The following KIAA1328 variants were observed in gnomAD, a reference collection of about 807,000 sequenced individuals.
KIAA1328 encodes the protein KIAA1328, also known as protein hinderin.
KIAA1328 carries 52 observed loss-of-function variants against 68.1 expected under a neutral mutation model. The observed-to-expected ratio is 0.76, with a 90% CI of 0.61 to 0.96. The LOEUF is 0.96. Ranked by LOEUF, KIAA1328 falls within the 40% of genes least tolerant of loss-of-function variation. KIAA1328 has a pLI of 0.00. For missense variants in KIAA1328, 641 were observed against 677.6 expected (o/e 0.95, Z 0.60); for synonymous variants, 232 against 239.4 (o/e 0.97, Z 0.28).
rs1044212462 is a variant in KIAA1328, at chr18:37,010,358, A to T, written c.576+50923A>T. ...CTCGGGAGGCTGAGGCAGGAGAATC[A>T]CTTGAACCCAGGAGGTGGAGATTGC... On this transcript the variant is annotated intron_variant, in intron 6 of 9. Transcript: ENST00000280020. Among the ~76,000 whole-genome samples, 12 of 148,478 alleles carry T rather than the reference A, an allele frequency of 8.1e-5. No homozygotes were observed. In the Admixed American group the frequency reaches 8.1e-4, roughly 10 times the overall value.
chr18:36,931,254 C>G (rs904953429), intron 5 of KIAA1328, among the ~76,000 whole-genome samples: 1 of 152,084 alleles, frequency 6.6e-6, no homozygotes, highest in African/African-American at 2.4e-5. Context: ...TGGTTAGTGA[C>G]CTGTTAGGAA....
chr18:37,126,890 A>AT (rs1308938835), intron 7 of KIAA1328, among the ~76,000 whole-genome samples: 1 of 152,188 alleles, frequency 6.6e-6, no homozygotes, highest in South Asian at 2.1e-4. Flanking sequence ...TCCATTCATG[A>AT]TAAAAAAAAT....
At chr18:36,943,626 A>G (rs1447384478) in intron 5 of KIAA1328, among the ~76,000 whole-genome samples, 1 of 152,226 alleles carries the variant, frequency 6.6e-6, no homozygotes, top group African/African-American at 2.4e-5. Context: ...CACAGGTGGT[A>G]TAGATAGAAC....
intron 9 of KIAA1328, among the ~76,000 whole-genome samples, chr18:37,180,058 CCACACACACACACACACACACACACA>C (rs139301794): frequency 7.5e-6 from 1 of 134,062 alleles, no homozygotes; most frequent in African/African-American, 2.7e-5. Flanking sequence ...GATTCAAAAG[CCACACACACACACACACACACACACA>C]CACACACACA....
intron 6 of KIAA1328, among the ~76,000 whole-genome samples, chr18:37,060,718 A>G (rs1434423148): frequency 2.0e-5 from 3 of 152,242 alleles, no homozygotes; most frequent in Admixed American, 6.5e-5. Context: ...CCAGCCTAAT[A>G]TAAGACTATT....
intron 7 of KIAA1328, among the ~76,000 whole-genome samples, chr18:37,138,202 T>G (rs1010728271): frequency 1.3e-5 from 2 of 152,232 alleles, no homozygotes; most frequent in Non-Finnish European, 2.9e-5. Flanking sequence ...CGTTTAATCC[T>G]CACAACAACT....
In KIAA1328 at chr18:36,892,211, G is replaced by T. The variant is rs11875575; in HGVS notation, c.448+6539G>T. On this transcript the variant is annotated intron_variant, in intron 5 of 9. Transcript: ENST00000280020. ...GTGGAGTGGTATGTCAGGAGAGGTA[G>T]AAAAAATTTTCACAAAAAAAGAATG... Among the ~76,000 whole-genome samples, 173 of 151,578 alleles carry T rather than the reference G, an allele frequency of 1.1e-3. 1 individual carries two copies. Among genetic ancestry groups the T allele is most frequent in the African/African-American group, 4.0e-3 (166 of 41,346 alleles).
At chr18:37,156,426 CAAAAA>C (rs769062667) in intron 7 of KIAA1328, among the ~76,000 whole-genome samples, 1 of 36,106 alleles carries the variant, frequency 2.8e-5, no homozygotes, top group African/African-American at 8.5e-5. Context: ...AACTCCGCCT[CAAAAA>C]AAAAAAAAAA....
intron 8 of KIAA1328, among the ~76,000 whole-genome samples, chr18:37,163,403 T>G (rs1356429511): frequency 6.6e-6 from 1 of 152,186 alleles, no homozygotes; most frequent in Non-Finnish European, 1.5e-5. Flanking sequence ...TAAATTCCCT[T>G]AAAATGTTGG....
chr18:37,199,329 C>G (rs2060063818), intron 9 of KIAA1328, among the ~76,000 whole-genome samples: 1 of 152,138 alleles, frequency 6.6e-6, no homozygotes. Flanking sequence ...CTCCCACTTA[C>G]AAGTGAGAAC....
At chr18:37,213,483 C>A (rs2060359499) in intron 9 of KIAA1328, among the ~76,000 whole-genome samples, 2 of 152,082 alleles carry the variant, frequency 1.3e-5, no homozygotes, top group South Asian at 4.1e-4. Context: ...TGAACTCATC[C>A]TTTTTTATGG....
At chr18:36,949,181 G>C (rs1396805184) in intron 5 of KIAA1328, among the ~76,000 whole-genome samples, 1 of 152,144 alleles carries the variant, frequency 6.6e-6, no homozygotes, top group Non-Finnish European at 1.5e-5. Context: ...CTTTAAAGCA[G>C]CCTTTCCAAA....
At chr18:36,916,220 T>A (rs1802544872) in intron 5 of KIAA1328, among the ~76,000 whole-genome samples, 4 of 152,120 alleles carry the variant, frequency 2.6e-5, no homozygotes, top group African/African-American at 9.7e-5. Context: ...TATATATATG[T>A]ACCTGCTAAT....
intron 6 of KIAA1328, among the ~76,000 whole-genome samples, chr18:37,028,939 T>G (rs866429347): frequency 2.0e-5 from 3 of 152,128 alleles, no homozygotes; most frequent in Non-Finnish European, 4.4e-5. Flanking sequence ...TTGTTGAGGA[T>G]TTTTGCAACT....
Position 36,934,930 on chromosome 18 carries a change from C to A in KIAA1328, c.449-24378C>A, listed in dbSNP as rs116708646. ...ATTTACATATTGGTCCAAGTTAGGT[C>A]TCAAAGGGCAAATCACTTTAAAAAC... On this transcript the variant is annotated intron_variant, in intron 5 of 9. Coordinates refer to ENST00000280020, the MANE Select transcript of KIAA1328 (RefSeq NM_020776.3). Among the ~76,000 whole-genome samples the A allele has an allele frequency of 7.4e-3, 1,132 of 152,246 alleles. 13 individuals carry two copies. Among genetic ancestry groups the A allele is most frequent in the African/African-American group, 0.026 (1,086 of 41,554 alleles).
intron 9 of KIAA1328, chr18:37,193,600 C>A (rs1209380648): frequency 1.4e-6 from 1 of 702,714 alleles, no homozygotes; most frequent in East Asian, 2.7e-5. Context: ...GCCCAGGAAT[C>A]TCCACAAAGA....
chr18:36,864,242 T>C (rs765422264), intron 4 of KIAA1328, among the ~76,000 whole-genome samples: 1 of 152,202 alleles, frequency 6.6e-6, no homozygotes, highest in African/African-American at 2.4e-5. Context: ...GTAGATTACA[T>C]TGATTGATTT....
chr18:36,978,035 A>C (rs2052540235), intron 6 of KIAA1328, among the ~76,000 whole-genome samples: 1 of 152,128 alleles, frequency 6.6e-6, no homozygotes, highest in Non-Finnish European at 1.5e-5. Flanking sequence ...TGCCTGCCTC[A>C]GCCTCTCAAA....
chr18:37,219,701 G>A (rs2060519559), intron 9 of KIAA1328, among the ~76,000 whole-genome samples: 2 of 152,180 alleles, frequency 1.3e-5, no homozygotes, highest in African/African-American at 4.8e-5. Flanking sequence ...GTGTTTGGGT[G>A]GCAGTGTCCC....
Sources: gnomAD v4.1 joint callset for allele counts (sites outside exome capture counted in the v4.1 genomes callset) on GRCh38, gnomAD v4.1.1 for gene constraint, MANE v1.5 for transcripts, NCBI Gene and HGNC (gene_info 2026-07-23, HGNC 2026-07-21) for gene names.